The following DLG2 variants were observed in gnomAD, a reference collection of about 807,000 sequenced individuals.
DLG2 encodes the protein discs large MAGUK scaffold protein 2.
In DLG2, 45 loss-of-function variants were observed where a neutral mutation model predicts 132.5. The ratio of observed to expected loss-of-function variants is 0.34; its 90% CI spans 0.27 to 0.44. The LOEUF is 0.44. DLG2 is among the 20% of genes least tolerant of loss of function. DLG2 has a pLI of 1.00. For missense variants in DLG2, 1,045 were observed against 1,196.9 expected, an observed-to-expected ratio of 0.87 and a Z score of 1.87; for synonymous variants, 424 against 419.6, an observed-to-expected ratio of 1.01 and a Z score of -0.13.
chr11:84,759,820 A>G (rs1028012985), intron 6 of DLG2, among the ~76,000 whole-genome samples: 3 of 152,156 alleles, frequency 2.0e-5, no homozygotes, highest in Non-Finnish European at 2.9e-5. Context: ...AGAAAAGACA[A>G]TAATTATCCC....
rs545182302 is a variant in DLG2, at chr11:85,224,949, T to G, written c.186+60271A>C. Among the ~76,000 whole-genome samples, 60 of 152,294 alleles carry G rather than the reference T, an allele frequency of 3.9e-4. No homozygotes were observed. In the South Asian group the frequency reaches 4.1e-3, roughly 11 times the overall value. ...TTTTATTTTTCTTTATTTTATAAGT[T>G]TTCAACAAATAACATGTGGTACTTT... On this transcript the variant is annotated intron_variant, in intron 4 of 27. Transcript: ENST00000376104.
intron 7 of DLG2, among the ~76,000 whole-genome samples, chr11:84,392,669 G>C (rs1031076096): frequency 2.6e-5 from 4 of 152,164 alleles, no homozygotes; most frequent in Non-Finnish European, 4.4e-5. Context: ...CCATTGGGTA[G>C]ATTCTATTAT....
At chr11:83,847,153 A>G (rs1428174368) in intron 16 of DLG2, among the ~76,000 whole-genome samples, 1 of 152,180 alleles carries the variant, frequency 6.6e-6, no homozygotes, top group Non-Finnish European at 1.5e-5. Flanking sequence ...ATCTTGTTAA[A>G]CTAAATAAAA....
At chr11:84,565,647 A>G (rs1271644240) in intron 6 of DLG2, among the ~76,000 whole-genome samples, 1 of 152,138 alleles carries the variant, frequency 6.6e-6, no homozygotes, top group Non-Finnish European at 1.5e-5. Context: ...CTTCCAGGAC[A>G]GGCTTTGATG....
rs758941958 is a variant in DLG2 at position 84,242,410 on chromosome 11, C to CT, written c.573+8827dup. ...AAAAATCATCCCAATCTAAATAGAA[C>CT]TTTTTTTTTTTTTGAAATGGAGTCT... On this transcript the variant is annotated intron_variant, in intron 8 of 27. Transcript: ENST00000376104. Among the ~76,000 whole-genome samples the CT allele has an allele frequency of 1.7e-3, 245 of 145,106 alleles. 1 individual carries two copies. Among genetic ancestry groups the CT allele is most frequent in the East Asian group, 0.015 (75 of 5,024 alleles).
intron 6 of DLG2, among the ~76,000 whole-genome samples, chr11:84,959,582 G>A (rs920249093): frequency 2.0e-5 from 3 of 152,276 alleles, no homozygotes; most frequent in South Asian, 4.1e-4. Context: ...TTAGCACAGT[G>A]CCTACTACCA....
In DLG2 at chr11:84,384,472, C is replaced by T. The variant is rs978786250; in HGVS notation, c.520-133181G>A. On this transcript the variant is annotated intron_variant, in intron 7 of 27. Transcript: ENST00000376104. ...AGTAAGCTTTGCAAAATTAAGCTGCCCTAGAGATGTTTAAGCTCACACTTC... is the reference window on the plus strand; with the variant it reads ...AGTAAGCTTTGCAAAATTAAGCTGCTCTAGAGATGTTTAAGCTCACACTTC... Among the ~76,000 whole-genome samples the T allele has an allele frequency of 1.3e-5, 2 of 151,914 alleles. 1 individual carries two copies. The highest frequency in any genetic ancestry group is 4.2e-4 in the South Asian group (2 of 4,792).
At chr11:85,585,448 A>G (rs1056947493) in intron 3 of DLG2, among the ~76,000 whole-genome samples, 1 of 152,068 alleles carries the variant, frequency 6.6e-6, no homozygotes, top group African/African-American at 2.4e-5. Context: ...TTCCAAAACT[A>G]TGTTGACTAG....
intron 6 of DLG2, among the ~76,000 whole-genome samples, chr11:84,883,384 G>T (rs1178360489): frequency 6.6e-6 from 1 of 151,730 alleles, no homozygotes; most frequent in African/African-American, 2.4e-5. Flanking sequence ...CTAGATGACG[G>T]GTTGATAGGT....
chr11:83,551,971 C>T (rs1181313589), intron 19 of DLG2, among the ~76,000 whole-genome samples: 5 of 152,074 alleles, frequency 3.3e-5, no homozygotes, highest in Non-Finnish European at 7.4e-5. Flanking sequence ...TTCATTTGGC[C>T]ACTTACTCAT....
chr11:85,037,759 C>A (rs1156911217), intron 6 of DLG2, among the ~76,000 whole-genome samples: 1 of 152,040 alleles, frequency 6.6e-6, no homozygotes, highest in African/African-American at 2.4e-5. Flanking sequence ...ATATGAGAAT[C>A]TTAAAATTAA....
intron 6 of DLG2, among the ~76,000 whole-genome samples, chr11:85,008,337 G>C (rs936977231): frequency 7.2e-5 from 11 of 151,998 alleles, no homozygotes; most frequent in Non-Finnish European, 1.5e-4. Context: ...TTCCATCCTT[G>C]ATTCTTACTG....
At chr11:85,014,715 C>T (rs1412581059) in intron 6 of DLG2, among the ~76,000 whole-genome samples, 1 of 152,196 alleles carries the variant, frequency 6.6e-6, no homozygotes, top group African/African-American at 2.4e-5. Flanking sequence ...GGACCTAACA[C>T]ACATCAGCTC....
At chr11:84,008,936 G>T (rs75995182) in intron 11 of DLG2, among the ~76,000 whole-genome samples, 3,380 of 124,764 alleles carry the variant, frequency 0.027, 67 homozygotes, top group Non-Finnish European at 0.036. Context: ...TTTTTTTTTT[G>T]TTGTTGTTGT....
chr11:83,764,629 A>G (rs578102650), intron 18 of DLG2, among the ~76,000 whole-genome samples: 1 of 152,350 alleles, frequency 6.6e-6, no homozygotes, highest in East Asian at 1.9e-4. Context: ...ATTATCTTAT[A>G]ACATAGCTAC....
At chr11:85,547,704 ATCTTG>A (rs1490107657) in intron 3 of DLG2, among the ~76,000 whole-genome samples, 2 of 151,592 alleles carry the variant, frequency 1.3e-5, no homozygotes. Context: ...TTTTTCTCTA[ATCTTG>A]TCTTCTCACT....
At chr11:83,685,127 C>T (rs980241180) in intron 18 of DLG2, among the ~76,000 whole-genome samples, 2 of 152,028 alleles carry the variant, frequency 1.3e-5, no homozygotes, top group Admixed American at 6.6e-5. Flanking sequence ...TTATCTTTAC[C>T]GTATAGGTGA....
At chr11:84,443,035 T>C (rs1462825048) in intron 7 of DLG2, among the ~76,000 whole-genome samples, 10 of 152,164 alleles carry the variant, frequency 6.6e-5, no homozygotes, top group Non-Finnish European at 1.0e-4. Context: ...TACCCAGTTA[T>C]AGATAAGTGT....
At chr11:84,803,427 A>T (rs981504988) in intron 6 of DLG2, among the ~76,000 whole-genome samples, 5 of 152,312 alleles carry the variant, frequency 3.3e-5, no homozygotes, top group Admixed American at 6.5e-5. Context: ...TTAATTCTCT[A>T]ATACTGTCAA....
Sources: gnomAD v4.1 joint callset for allele counts (sites outside exome capture counted in the v4.1 genomes callset) on GRCh38, gnomAD v4.1.1 for gene constraint, MANE v1.5 for transcripts, NCBI Gene and HGNC (gene_info 2026-07-23, HGNC 2026-07-21) for gene names.